TSHZ3: variants seen among roughly 807,000 people sequenced by gnomAD.
TSHZ3 encodes the protein teashirt zinc finger homeobox 3.
In TSHZ3, 10 loss-of-function variants were observed where a neutral mutation model predicts 64.5. The ratio of observed to expected loss-of-function variants is 0.16; its 90% CI spans 0.10 to 0.26. The LOEUF (loss-of-function observed/expected upper bound fraction) is 0.26. Among genes scored for constraint, TSHZ3 ranks in the 10% least tolerant of loss-of-function variants. The probability of loss-of-function intolerance (pLI) is 1.00; values close to 1 mark genes in which losing one functional copy is unlikely to be tolerated. For synonymous variants in TSHZ3, 608 were observed against 593.1 expected (o/e 1.03, Z -0.36); for missense variants, 1,242 against 1,421.7 (o/e 0.87, Z 2.03).
At chr19:31,341,879 G>A (rs969789787) in intron 1 of TSHZ3, among the ~76,000 whole-genome samples, 42 of 152,232 alleles carry the variant, frequency 2.8e-4, no homozygotes, top group Admixed American at 2.5e-3. Context: ...AAGAAAACGG[G>A]CATTAAGATT....
intron 5 of TSHZ3, among the ~76,000 whole-genome samples, chr19:31,172,006 T>C (rs1974541959): frequency 1.3e-5 from 2 of 152,208 alleles, no homozygotes; most frequent in South Asian, 4.2e-4. Flanking sequence ...TAATGGAGGG[T>C]CCCGTGGTTG....
At chr19:31,339,377 G>A (rs1041350518) in intron 1 of TSHZ3, among the ~76,000 whole-genome samples, 9 of 151,932 alleles carry the variant, frequency 5.9e-5, no homozygotes, top group Admixed American at 5.2e-4. Context: ...GCCACGCCAC[G>A]CACCCAGCCA....
chr19:31,208,912 G>A (rs893378582), intron 4 of TSHZ3, among the ~76,000 whole-genome samples: 10 of 152,212 alleles, frequency 6.6e-5, no homozygotes, highest in African/African-American at 2.4e-4. Context: ...AGGACGGCTG[G>A]GGTTGGTATC....
intron 1 of TSHZ3, among the ~76,000 whole-genome samples, chr19:31,345,977 G>A (rs1029326188): frequency 6.6e-6 from 1 of 152,022 alleles, no homozygotes; most frequent in Non-Finnish European, 1.5e-5. Flanking sequence ...GAAATTACAG[G>A]TCTCAAGGAA....
In TSHZ3 at chr19:31,153,802, C is replaced by T. The variant is rs186736009; in HGVS notation, n.872-2058G>A. On this transcript the variant is annotated intron_variant and non_coding_transcript_variant, in intron 6 of 6. Coordinates refer to the TSHZ3 transcript ENST00000651361. Reference sequence around the variant, plus strand: ...TGTTGACTGTTAGGTAATTTTCCCTCCCTTAGTCTAGTAAGTGTGTTGACA... The same window carrying T: ...TGTTGACTGTTAGGTAATTTTCCCTTCCTTAGTCTAGTAAGTGTGTTGACA... 5.3e-5 allele frequency among the ~76,000 whole-genome samples: 8 copies of T among 152,260 alleles called. No homozygotes were observed. The East Asian group carries it at 1.5e-3, about 29-fold the overall frequency.
chr19:31,168,085 C>T (rs749798685), intron 5 of TSHZ3, among the ~76,000 whole-genome samples: 7 of 151,848 alleles, frequency 4.6e-5, no homozygotes, highest in African/African-American at 1.5e-4. Flanking sequence ...TAGATGCCAC[C>T]TTTTCTCAGT....
At chr19:31,297,282 T>C (rs1177077447) in intron 1 of TSHZ3, among the ~76,000 whole-genome samples, 1 of 152,200 alleles carries the variant, frequency 6.6e-6, no homozygotes, top group Admixed American at 6.5e-5. Context: ...TGTGGTGGAC[T>C]ACTCGGGGTA....
At chr19:31,229,405 A>G (rs1975511214) in intron 3 of TSHZ3, among the ~76,000 whole-genome samples, 2 of 152,182 alleles carry the variant, frequency 1.3e-5, no homozygotes, top group East Asian at 1.9e-4. Context: ...AGCTTTTTCA[A>G]GTCTCTGGGG....
At chr19:31,300,555 T>G (rs1269511026) in intron 1 of TSHZ3, among the ~76,000 whole-genome samples, 2 of 152,170 alleles carry the variant, frequency 1.3e-5, no homozygotes, top group East Asian at 3.8e-4. Context: ...TAGGGAGGGA[T>G]GGCCCCAGGA....
At chr19:31,213,287 G>A (rs1172130528) in intron 4 of TSHZ3, among the ~76,000 whole-genome samples, 1 of 139,396 alleles carries the variant, frequency 7.2e-6, no homozygotes, top group Non-Finnish European at 1.5e-5. Context: ...AACCTAGGAG[G>A]CAGAGGTTGC....
intron 5 of TSHZ3, among the ~76,000 whole-genome samples, chr19:31,204,489 A>T (rs1052773666): frequency 5.3e-5 from 8 of 152,140 alleles, no homozygotes; most frequent in Admixed American, 3.3e-4. Flanking sequence ...AGTTAAAATT[A>T]TGTAAATTAA....
intron 3 of TSHZ3, among the ~76,000 whole-genome samples, chr19:31,241,398 C>T (rs1975686921): frequency 6.6e-6 from 1 of 152,148 alleles, no homozygotes; most frequent in African/African-American, 2.4e-5. Context: ...TAACCATATG[C>T]TCAAGAGATC....
chr19:31,261,441 A>C (rs1456996915), intron 1 of TSHZ3, among the ~76,000 whole-genome samples: 1 of 152,236 alleles, frequency 6.6e-6, no homozygotes, highest in African/African-American at 2.4e-5. Context: ...CCAAGGAAGG[A>C]ATAAAGAAGT....
downstream of TSHZ3, among the ~76,000 whole-genome samples, chr19:31,270,569 C>A (rs1335476288): frequency 6.6e-6 from 1 of 152,196 alleles, no homozygotes; most frequent in Admixed American, 6.5e-5. Flanking sequence ...CCCACTTCAG[C>A]CTCCCAAAGG....
At chr19:31,344,491 C>T (rs188253976) in intron 1 of TSHZ3, among the ~76,000 whole-genome samples, 44 of 152,342 alleles carry the variant, frequency 2.9e-4, no homozygotes, top group African/African-American at 9.9e-4. Context: ...TTACAAACTG[C>T]ACTTGGGATA....
At chr19:31,346,180 G>A (rs1917587280) in intron 1 of TSHZ3, among the ~76,000 whole-genome samples, 1 of 152,144 alleles carries the variant, frequency 6.6e-6, no homozygotes, top group South Asian at 2.1e-4. Context: ...TAGATATGAA[G>A]ACCGTGTGTA....
rs183048132 is a variant in TSHZ3, at chr19:31,299,368, C to G, written c.41-19616G>C. On this transcript the variant is annotated intron_variant, in intron 1 of 1. Coordinates refer to ENST00000240587, the MANE Select transcript of TSHZ3 (RefSeq NM_020856.4). ...ATATCATCACCTCCCTTGGAGGGCA[C>G]GGGGAGACACAAACTATGCAAGGTA... 3.4e-4 allele frequency among the ~76,000 whole-genome samples: 52 copies of G among 152,242 alleles called. No individual in the cohort carries two copies. In the South Asian group the frequency reaches 1.0e-2, roughly 29 times the overall value.
chr19:31,182,822 T>G (rs1390036995), intron 5 of TSHZ3, among the ~76,000 whole-genome samples: 2 of 152,154 alleles, frequency 1.3e-5, no homozygotes, highest in Non-Finnish European at 2.9e-5. Context: ...GGCCCTAAAA[T>G]AGGTATTGTG....
At chr19:31,302,566 T>G (rs555745503) in intron 1 of TSHZ3, among the ~76,000 whole-genome samples, 1 of 152,372 alleles carries the variant, frequency 6.6e-6, no homozygotes, top group African/African-American at 2.4e-5. Context: ...AATCTGTCTC[T>G]TGCCATTCCA....
Sources: allele counts gnomAD v4.1 joint callset (sites outside exome capture counted in the v4.1 genomes callset), GRCh38; gene constraint gnomAD v4.1.1; transcripts MANE v1.5; gene names NCBI Gene and HGNC (gene_info 2026-07-23, HGNC 2026-07-21).